Variants in AGAP1 observed in about 807,000 individuals in gnomAD.
AGAP1 encodes ArfGAP with GTPase domain, ankyrin repeat and PH domain 1.
AGAP1 carries 29 observed loss-of-function variants against 105.3 expected under a neutral mutation model. The ratio of observed to expected loss-of-function variants is 0.28; its 90% CI spans 0.21 to 0.38. The LOEUF is 0.38. AGAP1 is among the 10% of genes least tolerant of loss of function. The pLI is 1.00. For synonymous variants in AGAP1, 509 were observed against 485.9 expected, an observed-to-expected ratio of 1.05 and a Z score of -0.63; for missense variants, 998 against 1,165.1, an observed-to-expected ratio of 0.86 and a Z score of 2.09.
chr2:235,669,998 G>C, intron 1 of AGAP1: 1 of 292,402 alleles, frequency 3.4e-6, no homozygotes. Context: ...TCAGCGGGGG[G>C]CGTGGGCCAC....
chr2:235,723,890 C>T lies in AGAP1; in HGVS notation c.310+6246C>T, dbSNP rs574655101. Reference sequence around the variant, plus strand: ...AGAGGAAGGTGGGCCATCTGAGAGCCGCCTTTATCCCAGATCTGGAAGAAA... The same window carrying T: ...AGAGGAAGGTGGGCCATCTGAGAGCTGCCTTTATCCCAGATCTGGAAGAAA... On this transcript the variant is annotated intron_variant, in intron 3 of 17. Coordinates refer to ENST00000304032, the MANE Select transcript of AGAP1 (RefSeq NM_001037131.3). The surrounding 1 kb of genome is among the most constrained non-coding windows in gnomAD (Gnocchi z 6.2). 6.6e-6 allele frequency among the ~76,000 whole-genome samples: 1 copy of T among 152,188 alleles called. No individual in the cohort carries two copies. The highest frequency in any genetic ancestry group is 6.5e-5 in the Admixed American group (1 of 15,284).
chr2:236,016,381 CTTT>C (rs151088125), intron 13 of AGAP1, among the ~76,000 whole-genome samples: 61,171 of 114,222 alleles, frequency 0.54, 13,360 homozygotes, highest in South Asian at 0.71. Flanking sequence ...GTTGGGTTTG[CTTT>C]TTTTTTTTTT....
intron 6 of AGAP1, among the ~76,000 whole-genome samples, chr2:235,766,907 A>ATTTTT (rs71036292): frequency 4.5e-5 from 5 of 109,918 alleles, no homozygotes; most frequent in South Asian, 3.4e-4. Context: ...ACACCGGCTA[A>ATTTTT]TTTTTTTTTT....
intron 1 of AGAP1, among the ~76,000 whole-genome samples, chr2:235,533,740 G>A (rs1182089521): frequency 2.6e-5 from 4 of 152,356 alleles, no homozygotes; most frequent in Admixed American, 2.0e-4. Context: ...TCATGTGTGA[G>A]GAGCTGTTAC....
chr2:235,954,725 G>T (rs1468480498), intron 12 of AGAP1, among the ~76,000 whole-genome samples: 1 of 151,564 alleles, frequency 6.6e-6, no homozygotes, highest in East Asian at 1.9e-4. Flanking sequence ...TTTGTCCACA[G>T]CCCTTGTCAT....
rs1417059392 is a variant in AGAP1 at position 236,014,463 on chromosome 2, CATT to C, written c.1646-22097_1646-22095del. ...TCATAGCTCCTTCAAAGGGTGTCATCATTTCCCAAGGCAGAGGCCAGTTTTTGT... is the reference window on the plus strand; with the variant it reads ...TCATAGCTCCTTCAAAGGGTGTCATCTCCCAAGGCAGAGGCCAGTTTTTGT... On this transcript the variant is annotated intron_variant, in intron 13 of 17. Coordinates refer to ENST00000304032, the MANE Select transcript of AGAP1 (RefSeq NM_001037131.3). This position sits in a 1 kb window ranked among gnomAD's most constrained non-coding sequence, Gnocchi z 6.3. 6.6e-6 allele frequency among the ~76,000 whole-genome samples: 1 copy of C among 152,218 alleles called. No homozygotes were observed. Among genetic ancestry groups the C allele is most frequent in the Non-Finnish European group, 1.5e-5 (1 of 68,046 alleles).
Position 235,982,065 on chromosome 2 carries a change from A to G in AGAP1, c.1645+13442A>G, listed in dbSNP as rs1355418889. ...ATTTTACCCGAGGCTGTGCTTCAGCAGATTGACAGAATGCATTTTTACAGC... is the reference window on the plus strand; with the variant it reads ...ATTTTACCCGAGGCTGTGCTTCAGCGGATTGACAGAATGCATTTTTACAGC... On this transcript the variant is annotated intron_variant, in intron 13 of 17. Coordinates refer to ENST00000304032, the MANE Select transcript of AGAP1 (RefSeq NM_001037131.3). This position sits in a 1 kb window ranked among gnomAD's most constrained non-coding sequence, Gnocchi z 4.9. Among the ~76,000 whole-genome samples, 1 of 152,272 alleles carries G rather than the reference A, an allele frequency of 6.6e-6. No homozygotes were observed. The highest frequency in any genetic ancestry group is 1.5e-5 in the Non-Finnish European group (1 of 68,048).
At chr2:235,790,704 C>T (rs1956924352) in intron 6 of AGAP1, among the ~76,000 whole-genome samples, 1 of 152,158 alleles carries the variant, frequency 6.6e-6, no homozygotes, top group Non-Finnish European at 1.5e-5. Context: ...TATAACCTTC[C>T]CACCCCAGCC....
At chr2:235,949,255 T>A (rs902209122) in intron 12 of AGAP1, among the ~76,000 whole-genome samples, 1 of 152,236 alleles carries the variant, frequency 6.6e-6, no homozygotes, top group Non-Finnish European at 1.5e-5. Flanking sequence ...TTTAGCGTCA[T>A]GTCGGCACTC....
intron 15 of AGAP1, among the ~76,000 whole-genome samples, chr2:236,041,872 T>G (rs2057559260): frequency 6.6e-6 from 1 of 152,008 alleles, no homozygotes; most frequent in African/African-American, 2.4e-5. Flanking sequence ...GCAGGAGCTG[T>G]CGTGTCAGCA....
chr2:235,933,863 A>C (rs1200922019), intron 12 of AGAP1, among the ~76,000 whole-genome samples: 1 of 152,202 alleles, frequency 6.6e-6, no homozygotes, highest in Non-Finnish European at 1.5e-5. Flanking sequence ...CATACCGGAA[A>C]TATTTTGAAA....
chr2:236,008,614 C>T (rs1463897858), intron 13 of AGAP1, among the ~76,000 whole-genome samples: 1 of 152,188 alleles, frequency 6.6e-6, no homozygotes, highest in South Asian at 2.1e-4. Flanking sequence ...AAGGGAAAAC[C>T]AACTCTCTAC....
chr2:235,753,369 C>T lies in AGAP1; in HGVS notation c.673+2881C>T, dbSNP rs1204683105. The stretch of plus-strand genomic sequence containing the variant: ...CGTTTTCATGGGCACAGGAGATTTC[C>T]GTTCCAGTTTCGTATTATAGAAATA... On this transcript the variant is annotated intron_variant, in intron 6 of 17. Coordinates refer to ENST00000304032, the MANE Select transcript of AGAP1 (RefSeq NM_001037131.3). The surrounding 1 kb of genome is among the most constrained non-coding windows in gnomAD (Gnocchi z 4.5). Among the ~76,000 whole-genome samples, 1 of 152,128 alleles carries T rather than the reference C, an allele frequency of 6.6e-6. No individual in the cohort carries two copies. Among genetic ancestry groups the T allele is most frequent in the Non-Finnish European group, 1.5e-5 (1 of 68,020 alleles).
In AGAP1 at chr2:235,777,490, C is replaced by G. The variant is rs1406210488; in HGVS notation, c.674-20269C>G. Among the ~76,000 whole-genome samples, 2 of 152,270 alleles carry G rather than the reference C, an allele frequency of 1.3e-5. No individual in the cohort carries two copies. Among genetic ancestry groups the G allele is most frequent in the African/African-American group, 2.4e-5 (1 of 41,484 alleles). On this transcript the variant is annotated intron_variant, in intron 6 of 17. Transcript: ENST00000304032. This position sits in a 1 kb window ranked among gnomAD's most constrained non-coding sequence, Gnocchi z 5.1. ...CTGCCTCCTCGTTATCAGCAGGCAG[C>G]CTTGCGTCTGCCTCTGGGAGCAGAA...
chr2:236,010,197 G>T (rs565228721), intron 13 of AGAP1, among the ~76,000 whole-genome samples: 1 of 151,944 alleles, frequency 6.6e-6, no homozygotes, highest in Non-Finnish European at 1.5e-5. Flanking sequence ...TCCTCATGTC[G>T]CAGGAACCCA....
intron 1 of AGAP1, among the ~76,000 whole-genome samples, chr2:235,643,965 C>T (rs768678223): frequency 6.6e-6 from 1 of 152,114 alleles, no homozygotes; most frequent in Non-Finnish European, 1.5e-5. Flanking sequence ...ACAGAGCCCC[C>T]GTGATGTGTG....
chr2:235,702,761 T>C (rs568170479), intron 1 of AGAP1, among the ~76,000 whole-genome samples: 2 of 152,160 alleles, frequency 1.3e-5, no homozygotes, highest in South Asian at 4.2e-4. Flanking sequence ...GTAGCACATG[T>C]GCCTGTCTCC....
chr2:235,692,122 A>T lies in AGAP1; in HGVS notation c.164-17057A>T, dbSNP rs1454443923. Among the ~76,000 whole-genome samples, 2 of 152,188 alleles carry T rather than the reference A, an allele frequency of 1.3e-5. No homozygotes were observed. The highest frequency in any genetic ancestry group is 2.9e-5 in the Non-Finnish European group (2 of 68,014). ...GCATATTGAGTTTGAATATTCATCT[A>T]AGAAGCTTTTGTACATGCGTTATGT... On this transcript the variant is annotated intron_variant, in intron 1 of 17. Coordinates refer to ENST00000304032, the MANE Select transcript of AGAP1 (RefSeq NM_001037131.3). The surrounding 1 kb of genome is among the most constrained non-coding windows in gnomAD (Gnocchi z 5.8).
intron 16 of AGAP1, among the ~76,000 whole-genome samples, chr2:236,070,780 G>C (rs1271980036): frequency 6.6e-6 from 1 of 152,144 alleles, no homozygotes; most frequent in African/African-American, 2.4e-5. Flanking sequence ...GGGCAGGGGC[G>C]GGGAGGCATC....
Sources: gnomAD v4.1 joint callset for allele counts (sites outside exome capture counted in the v4.1 genomes callset) on GRCh38, gnomAD v4.1.1 for gene constraint, Gnocchi (gnomAD v3.1) non-coding constraint, MANE v1.5 for transcripts, NCBI Gene and HGNC (gene_info 2026-07-23, HGNC 2026-07-21) for gene names.